Variants in CCDC27 observed in about 807,000 individuals in gnomAD.
The protein encoded by CCDC27 is coiled-coil domain-containing protein 27.
In CCDC27, 80 loss-of-function variants were observed where a neutral mutation model predicts 80.3. The ratio of observed to expected loss-of-function variants is 1.00; its 90% CI spans 0.83 to 1.20. The LOEUF (loss-of-function observed/expected upper bound fraction) is 1.20, where lower values mean the gene tolerates loss of function less well. Ranked by LOEUF, CCDC27 falls within the 50% of genes most tolerant of loss-of-function variation. CCDC27 has a pLI of 0.00. For missense variants in CCDC27, 815 were observed against 809.4 expected (o/e 1.01, Z -0.08); for synonymous variants, 342 against 334.3 (o/e 1.02, Z -0.25).
At chr1:3,764,411 G>T (rs902323248) in intron 8 of CCDC27, among the ~76,000 whole-genome samples, 3 of 151,802 alleles carry the variant, frequency 2.0e-5, no homozygotes, top group Non-Finnish European at 2.9e-5. Flanking sequence ...TCTCTAAATA[G>T]CATGCTCATA....
rs1264321661 is a variant in CCDC27, at chr1:3,766,448, TG to T, written c.1453-83del. The T allele has an allele frequency of 2.2e-5, 19 of 871,198 alleles. No homozygotes were observed. The Admixed American group carries it at 4.2e-4, about 19-fold the overall frequency. 54.0% of individuals were successfully genotyped at this position (871,198 alleles called of 1,614,324 possible). On this transcript the variant is annotated intron_variant, in intron 8 of 11. Coordinates refer to ENST00000294600, the MANE Select transcript of CCDC27 (RefSeq NM_152492.3). The surrounding 1 kb of genome is among the most constrained non-coding windows in gnomAD (Gnocchi z 6.1). The stretch of plus-strand genomic sequence containing the variant: ...CCGCTGCTATTATTTTAGGGAGCTT[TG>T]GGGAAGGAAAAAAGTTAGATGCCGG...
Position 3,767,294 on chromosome 1 carries a change from C to T in CCDC27, c.1592C>T (p.Thr531Ile), listed in dbSNP as rs770714506. The T allele has an allele frequency of 1.5e-5, 24 of 1,613,934 alleles. No individual in the cohort carries two copies. The Admixed American group carries it at 3.8e-4, about 26-fold the overall frequency. ...KRDCVISELD[T>I]KVSQLQEQVE... ...GACTGTGTCATCTCAGAGTTGGACA[C>T]CAAGGTCAGCCAGCTGCAGGAGCAG... Residue 531 changes from threonine to isoleucine, a missense_variant, in exon 10 of 12, where the codon ACC (threonine) becomes ATC (isoleucine). Coordinates refer to ENST00000294600, the MANE Select transcript of CCDC27 (RefSeq NM_152492.3).
rs1348077621 is a variant in CCDC27, at chr1:3,768,558, C to T, written c.1743+1113C>T. On this transcript the variant is annotated intron_variant, in intron 10 of 11. Transcript: ENST00000294600. The surrounding 1 kb of genome is among the most constrained non-coding windows in gnomAD (Gnocchi z 5.6). ...CTGGGTCAGACTGAGGCACCCACCC[C>T]TGGTATCCCTTGATAAAACAGTTTG... 6.6e-6 allele frequency among the ~76,000 whole-genome samples: 1 copy of T among 152,192 alleles called. No individual in the cohort carries two copies. Among genetic ancestry groups the T allele is most frequent in the African/African-American group, 2.4e-5 (1 of 41,444 alleles).
In CCDC27 at chr1:3,763,804, C is replaced by A. The variant is rs140665259; in HGVS notation, c.1420C>A (p.Arg474=). 22 of 1,613,730 alleles carry A rather than the reference C, an allele frequency of 1.4e-5. No individual in the cohort carries two copies. The highest frequency in any genetic ancestry group is 1.6e-4 in the Middle Eastern group (1 of 6,070). The change falls in exon 8 of 12, where the codon CGG becomes AGG. Residue 474 remains arginine (R), a synonymous_variant. Transcript: ENST00000294600. This position sits in a 1 kb window ranked among gnomAD's most constrained non-coding sequence, Gnocchi z 7.5. Reference sequence around the variant, plus strand: ...GACGCTGCAGAAGGAGCTCCGAGAGCGGAGGCAGCAGCTACAAGCCATGAC... The same window carrying A: ...GACGCTGCAGAAGGAGCTCCGAGAGAGGAGGCAGCAGCTACAAGCCATGAC... ...NETLQKELRE[R]RQQLQAMTDK...
intron 4 of CCDC27, among the ~76,000 whole-genome samples, chr1:3,759,706 T>C (rs544317619): frequency 5.3e-5 from 8 of 152,326 alleles, no homozygotes; most frequent in African/African-American, 1.7e-4. Context: ...TCCCAGCTCC[T>C]GGGGGTCCAT....
At position 3,767,365 on chromosome 1, in the gene CCDC27, G is replaced by A. The variant is rs904306698; in HGVS notation, c.1663G>A (p.Glu555Lys). The A allele has an allele frequency of 7.4e-6, 12 of 1,613,852 alleles. No homozygotes were observed. The highest frequency in any genetic ancestry group is 1.6e-4 in the Middle Eastern group (1 of 6,084). The change falls in exon 10 of 12, where the codon GAG (glutamate) becomes AAG (lysine). Residue 555 changes from glutamate (E) to lysine (K), a missense_variant. Coordinates refer to ENST00000294600, the MANE Select transcript of CCDC27 (RefSeq NM_152492.3). ...NHLQRWKQLQEDLQSKKEMIQ... is the reference protein window; with the variant it reads ...NHLQRWKQLQKDLQSKKEMIQ... ...CCTGCAGAGGTGGAAGCAGCTGCAG[G>A]AGGATTTGCAGAGCAAGAAGGAGAT... is the stretch of plus-strand genomic sequence containing the variant.
chr1:3,762,574 C>T, intron 5 of CCDC27, 46 bp from the exon 6 acceptor site: 1 of 1,473,986 alleles, frequency 6.8e-7, no homozygotes, highest in Non-Finnish European at 9.3e-7. Flanking sequence ...CCCTGGGGTG[C>T]TGCAGGAGGG....
intron 8 of CCDC27, among the ~76,000 whole-genome samples, chr1:3,764,630 A>T (rs1048275860): frequency 1.3e-5 from 2 of 152,240 alleles, no homozygotes; most frequent in Non-Finnish European, 2.9e-5. Context: ...TTTACAGAAC[A>T]GTACTAAGAT....
intron 3 of CCDC27, 145 bp from the exon 4 acceptor site, chr1:3,756,586 AAG>A (rs1397343177): frequency 4.1e-6 from 2 of 482,992 alleles, no homozygotes; most frequent in African/African-American, 2.1e-5. Flanking sequence ...TGAGGGTGAC[AAG>A]AGTTAGGAGA....
At position 3,767,435 on chromosome 1, in the gene CCDC27, C is replaced by T; in HGVS notation, c.1733C>T (p.Ser578Phe). The T allele has an allele frequency of 1.2e-6, 2 of 1,611,786 alleles. No homozygotes were observed. The highest frequency in any genetic ancestry group is 1.1e-5 in the South Asian group (1 of 90,842). Residue 578 changes from serine to phenylalanine, a missense_variant, in exon 10 of 12, where the codon TCC (serine) becomes TTC (phenylalanine). Physicochemically the swap from Ser to Phe is radical, Grantham distance 155. Coordinates refer to ENST00000294600, the MANE Select transcript of CCDC27 (RefSeq NM_152492.3). ...EQHTRVALES[S>F]QSRLERLRNK... is the part of the protein sequence containing the mutation. ...CACACCCGCGTGGCCCTGGAGAGCT[C>T]CCAGTCCAGGGTATGCCCAGCCCTT...
Position 3,763,590 on chromosome 1 carries a change from G to T in CCDC27, c.1321+116G>T. On this transcript the variant is annotated intron_variant, in intron 7 of 11. Coordinates refer to ENST00000294600, the MANE Select transcript of CCDC27 (RefSeq NM_152492.3). The surrounding 1 kb of genome is among the most constrained non-coding windows in gnomAD (Gnocchi z 7.5). Reference sequence around the variant, plus strand: ...GTGAGCTGGAGCAGGGGCAGGTGTCGGCAGCCTCACCCAGGCTGGCAGAGC... The same window carrying T: ...GTGAGCTGGAGCAGGGGCAGGTGTCTGCAGCCTCACCCAGGCTGGCAGAGC... 1 of 1,558,550 alleles carries T rather than the reference G, an allele frequency of 6.4e-7. No homozygotes were observed. The highest frequency in any genetic ancestry group is 8.7e-7 in the Non-Finnish European group (1 of 1,147,146).
intron 8 of CCDC27, among the ~76,000 whole-genome samples, chr1:3,764,566 C>G (rs576784390): frequency 6.6e-6 from 1 of 152,308 alleles, no homozygotes. Context: ...CAATGTTGCA[C>G]TGACATCATT....
In CCDC27 at chr1:3,768,937, C is replaced by A. The variant is rs568570105; in HGVS notation, c.1744-846C>A. On this transcript the variant is annotated intron_variant, in intron 10 of 11. Coordinates refer to ENST00000294600, the MANE Select transcript of CCDC27 (RefSeq NM_152492.3). This position sits in a 1 kb window ranked among gnomAD's most constrained non-coding sequence, Gnocchi z 5.6. ...GAAGGAAAGGATTCCACTCCTCACA[C>A]AGGCCAGGGGCCCATGACATTCCTG... Among the ~76,000 whole-genome samples the A allele has an allele frequency of 6.6e-6, 1 of 152,240 alleles. No individual in the cohort carries two copies. The highest frequency in any genetic ancestry group is 2.4e-5 in the African/African-American group (1 of 41,474).
rs1269786528 is a variant in CCDC27, at chr1:3,769,570, G to A, written c.1744-213G>A. ...AGTCTTTGGGCTTTGGGGCTGGGCC[G>A]CACAGGGTCAGGGGTTGGATCCGGC... On this transcript the variant is annotated intron_variant, in intron 10 of 11. Transcript: ENST00000294600. This position sits in a 1 kb window ranked among gnomAD's most constrained non-coding sequence, Gnocchi z 4.6. 3.3e-5 allele frequency among the ~76,000 whole-genome samples: 5 copies of A among 152,062 alleles called. No individual in the cohort carries two copies. The highest frequency in any genetic ancestry group is 5.9e-5 in the Non-Finnish European group (4 of 68,004).
In CCDC27 at chr1:3,756,917, G is replaced by A. The variant is rs72846558; in HGVS notation, c.711+27G>A. ...TACTGGCGGAGGGGGTGCAAATCCC[G>A]GCCCCCCACCCCTCTCTCTGCGTCC... On this transcript the variant is annotated intron_variant, in intron 4 of 11. Transcript: ENST00000294600. The A allele has an allele frequency of 1.5e-3, 2,393 of 1,598,344 alleles. 38 individuals carry two copies. The African/African-American group carries it at 0.029, about 19-fold the overall frequency.
intron 8 of CCDC27, among the ~76,000 whole-genome samples, chr1:3,764,803 AGGCAGGT>A (rs1643189482): frequency 6.6e-6 from 1 of 152,196 alleles, no homozygotes; most frequent in Non-Finnish European, 1.5e-5. Context: ...TGGGAGGCTG[AGGCAGGT>A]GGATCACCTC....
chr1:3,771,405 T>C lies in CCDC27; in HGVS notation c.1853T>C (p.Ile618Thr). 6.2e-6 allele frequency: 10 copies of C among 1,613,944 alleles called. No individual in the cohort carries two copies. The highest frequency in any genetic ancestry group is 7.6e-6 in the Non-Finnish European group (9 of 1,179,928). The change falls in exon 12 of 12, where the codon ATT becomes ACT. Residue 618 changes from isoleucine to threonine, a missense_variant. By Grantham distance (89) the Ile-to-Thr change is moderately conservative. Coordinates refer to ENST00000294600, the MANE Select transcript of CCDC27 (RefSeq NM_152492.3). Reference sequence around the variant, plus strand: ...ACGGCTGTGTTTCTTGTGTAGAGAATTATCTCAGAGAGAAGCGACTACTAT... The same window carrying C: ...ACGGCTGTGTTTCTTGTGTAGAGAACTATCTCAGAGAGAAGCGACTACTAT... ...DNDILEALQRIISERSDYYNQ... is the reference protein window; with the variant it reads ...DNDILEALQRTISERSDYYNQ...
chr1:3,769,794 A>T lies in CCDC27; in HGVS notation c.1755A>T (p.Leu585Phe). 1 of 1,613,668 alleles carries T rather than the reference A, an allele frequency of 6.2e-7. No homozygotes were observed. Among genetic ancestry groups the T allele is most frequent in the Middle Eastern group, 1.7e-4 (1 of 6,058 alleles). The change falls in exon 11 of 12, where the codon TTA becomes TTT. Residue 585 changes from leucine to phenylalanine, a missense_variant. Coordinates refer to ENST00000294600, the MANE Select transcript of CCDC27 (RefSeq NM_152492.3). This position sits in a 1 kb window ranked among gnomAD's most constrained non-coding sequence, Gnocchi z 4.6. ...LESSQSRLER[L>F]RNKIIQATFS... ...CCCTTTGCTCACAGCTCGAGAGGTTAAGGAATAAGATCATCCAGGCCACCT... is the reference window on the plus strand; with the variant it reads ...CCCTTTGCTCACAGCTCGAGAGGTTTAGGAATAAGATCATCCAGGCCACCT...
intron 1 of CCDC27, among the ~76,000 whole-genome samples, chr1:3,753,491 T>G (rs1306698478): frequency 6.6e-6 from 1 of 151,914 alleles, no homozygotes; most frequent in African/African-American, 2.4e-5. Context: ...CGGCTAATTT[T>G]ATTTGTTTGT....
Sources: allele counts gnomAD v4.1 joint callset (sites outside exome capture counted in the v4.1 genomes callset), GRCh38; gene constraint gnomAD v4.1.1; non-coding constraint Gnocchi (gnomAD v3.1); transcripts MANE v1.5; gene names NCBI Gene and HGNC (gene_info 2026-07-23, HGNC 2026-07-21).